The following HEATR4 variants were observed in gnomAD, a reference collection of about 807,000 sequenced individuals.
HEATR4 encodes the protein HEAT repeat-containing protein 4.
A neutral mutation model predicts 108.8 loss-of-function variants in HEATR4; 95 were observed. The observed-to-expected ratio is 0.87, with a 90% CI of 0.74 to 1.04. The LOEUF (loss-of-function observed/expected upper bound fraction) is 1.04, where lower values mean the gene tolerates loss of function less well. Among genes scored for constraint, HEATR4 ranks in the 50% least tolerant of loss-of-function variants. HEATR4 has a pLI of 0.00. For synonymous variants in HEATR4, 443 were observed against 459.4 expected (o/e 0.96, Z 0.46); for missense variants, 1,152 against 1,253.8 (o/e 0.92, Z 1.23).
the HEATR4 span, chr14:73,631,662 G>C: frequency 0.012 from 1,885 of 161,216 alleles, 43 homozygotes; most frequent in African/African-American, 0.043. Context: ...GGAAGACTAC[G>C]AGCCTTATTC....
chr14:73,495,060 AC>A (rs1243489230), intron 16 of HEATR4, among the ~76,000 whole-genome samples, 167 bp downstream of exon 16: 5 of 86,802 alleles, frequency 5.8e-5, no homozygotes, highest in African/African-American at 2.2e-4. Context: ...AAACAAACAA[AC>A]AAAAAAAAAA....
chr14:73,619,700 C>A, the HEATR4 span: 2 of 1,614,164 alleles, frequency 1.2e-6, no homozygotes, highest in Non-Finnish European at 1.7e-6. Context: ...TCTGTGCACG[C>A]TGTTTTGGGT....
intron 17 of HEATR4, among the ~76,000 whole-genome samples, chr14:73,481,381 G>A (rs865816090): frequency 3.9e-5 from 6 of 152,274 alleles, no homozygotes; most frequent in Middle Eastern, 3.4e-3. Flanking sequence ...AGATATTGCA[G>A]TGAGGTGAGA....
the HEATR4 span, among the ~76,000 whole-genome samples, chr14:73,622,159 A>G: frequency 6.6e-6 from 1 of 151,976 alleles, no homozygotes; most frequent in Non-Finnish European, 1.5e-5. Flanking sequence ...TTGGGGTGGG[A>G]GATCACAGGA....
At chr14:73,525,030 T>C (rs1047469876) in intron 2 of HEATR4, among the ~76,000 whole-genome samples, 3 of 152,112 alleles carry the variant, frequency 2.0e-5, no homozygotes, top group Admixed American at 2.0e-4. Flanking sequence ...TTTTTTTCTT[T>C]TGTTTTGTTT....
At chr14:73,480,531 A>T (rs1885208119) in intron 17 of HEATR4, among the ~76,000 whole-genome samples, 1 of 152,114 alleles carries the variant, frequency 6.6e-6, no homozygotes, top group Admixed American at 6.5e-5. Context: ...ATTTATTTTT[A>T]ATATTTTATT....
the HEATR4 span, chr14:73,595,251 G>A: frequency 1.5e-5 from 25 of 1,614,074 alleles, no homozygotes; most frequent in Non-Finnish European, 2.1e-5. Flanking sequence ...GCTTTCTCAG[G>A]CCTCGTGGAC....
At chr14:73,595,472 A>G in the HEATR4 span, 1 of 1,614,150 alleles carries the variant, frequency 6.2e-7, no homozygotes. Context: ...TGGGCATTAC[A>G]TCGAGCCTCC....
chr14:73,500,564 T>C lies in HEATR4; in HGVS notation c.2272A>G (p.Ile758Val). The change falls in exon 12 of 18, where the codon ATC (isoleucine) becomes GTC (valine). Residue 758 changes from isoleucine to valine, a missense_variant. Coordinates refer to ENST00000553558, the MANE Select transcript of HEATR4 (RefSeq NM_001220484.1). ...AACLAAGALQ[I>V]RDKMVLECLL... ...CCCTGACTCACCATCTTGTCGCGGA[T>C]CTGCAGGGCACCAGCTGCCAAACAG... is the stretch of plus-strand genomic sequence containing the variant. 1 of 1,613,234 alleles carries C rather than the reference T, an allele frequency of 6.2e-7. No individual in the cohort carries two copies. Among genetic ancestry groups the C allele is most frequent in the Non-Finnish European group, 8.5e-7 (1 of 1,179,768 alleles).
In HEATR4 at chr14:73,509,380, A is replaced by G; in HGVS notation, c.1652T>C (p.Ile551Thr). ...KNAHVRMAAA[I>T]CQYAIQSHNP... is the part of the protein sequence containing the mutation. ...ATGTGACTGTATGGCATATTGGCATATTGCTGCTGCCATCCGCACATGGGC... is the reference window on the plus strand; with the variant it reads ...ATGTGACTGTATGGCATATTGGCATGTTGCTGCTGCCATCCGCACATGGGC... The change falls in exon 8 of 18, where the codon ATA becomes ACA. Residue 551 changes from isoleucine (I) to threonine (T), a missense_variant. Transcript: ENST00000553558. The G allele has an allele frequency of 1.2e-6, 2 of 1,614,106 alleles. No individual in the cohort carries two copies. Among genetic ancestry groups the G allele is most frequent in the South Asian group, 1.1e-5 (1 of 91,074 alleles).
chr14:73,621,589 T>C, the HEATR4 span, among the ~76,000 whole-genome samples: 1 of 152,158 alleles, frequency 6.6e-6, no homozygotes, highest in South Asian at 2.1e-4. Flanking sequence ...GCACATCCCA[T>C]GATTTTCTGA....
At chr14:73,626,789 CTTTTTT>C in the HEATR4 span, among the ~76,000 whole-genome samples, 2 of 82,348 alleles carry the variant, frequency 2.4e-5, no homozygotes, top group African/African-American at 6.2e-5. Flanking sequence ...GACAAACAGC[CTTTTTT>C]TTTTTTTTTT....
the HEATR4 span, chr14:73,612,921 G>A: frequency 1.5e-6 from 2 of 1,352,802 alleles, no homozygotes; most frequent in Non-Finnish European, 2.0e-6. Flanking sequence ...ACCGAGCCCG[G>A]GCGGCTGCTG....
chr14:73,561,864 C>G (rs924909790), upstream of HEATR4, among the ~76,000 whole-genome samples: 1 of 150,482 alleles, frequency 6.6e-6, no homozygotes. Context: ...ACGTGCTTGT[C>G]GTCCCAGCTA....
At chr14:73,601,353 C>G in the HEATR4 span, among the ~76,000 whole-genome samples, 11 of 151,432 alleles carry the variant, frequency 7.3e-5, no homozygotes, top group Non-Finnish European at 1.2e-4. Flanking sequence ...CACTTGAGGT[C>G]AGGAGTTCGA....
At chr14:73,559,218 G>C (rs1221659842), upstream of HEATR4, among the ~76,000 whole-genome samples, 11 of 151,636 alleles carry the variant, frequency 7.3e-5, 1 homozygote, top group South Asian at 1.3e-3. Context: ...ACTGCAACCT[G>C]TGCCTCCCAG....
intron 1 of HEATR4, among the ~76,000 whole-genome samples, chr14:73,547,067 C>T (rs1173264095): frequency 9.5e-6 from 1 of 105,666 alleles, no homozygotes; most frequent in African/African-American, 2.9e-5. Flanking sequence ...GCCTAGGCAA[C>T]AAGAGCAAAA....
chr14:73,583,940 G>A, the HEATR4 span, among the ~76,000 whole-genome samples: 5,382 of 151,894 alleles, frequency 0.035, 272 homozygotes, highest in East Asian at 0.2. Flanking sequence ...GGCCGAGGTT[G>A]CAGTGAGCTG....
intron 6 of HEATR4, 63 bp downstream of exon 6, chr14:73,513,968 C>G: frequency 1.3e-6 from 2 of 1,508,006 alleles, no homozygotes; most frequent in Non-Finnish European, 1.8e-6. Context: ...CTGAGAAAGC[C>G]TAGTCCCAGA....
Sources: allele counts gnomAD v4.1 joint callset (sites outside exome capture counted in the v4.1 genomes callset), GRCh38; gene constraint gnomAD v4.1.1; transcripts MANE v1.5; gene names NCBI Gene and HGNC (gene_info 2026-07-23, HGNC 2026-07-21).